ZFHX3: variants seen among roughly 807,000 people sequenced by gnomAD.
The protein encoded by ZFHX3 is zinc finger homeobox protein 3.
ZFHX3 carries 42 observed loss-of-function variants against 279.1 expected under a neutral mutation model. That is an observed-to-expected ratio of 0.15 (90% CI 0.12 to 0.19). ZFHX3 has a LOEUF of 0.19. Among genes scored for constraint, ZFHX3 ranks in the 10% least tolerant of loss-of-function variants. ZFHX3 has a pLI of 1.00. For synonymous variants in ZFHX3, 2,293 were observed against 1,957.8 expected (o/e 1.17, Z -4.52); for missense variants, 4,981 against 4,754.0 (o/e 1.05, Z -1.40).
intron 4 of ZFHX3, among the ~76,000 whole-genome samples, chr16:72,873,604 A>G (rs1435630182): frequency 1.3e-5 from 2 of 152,214 alleles, no homozygotes; most frequent in Non-Finnish European, 2.9e-5. Context: ...GGTAGTAATT[A>G]CCAGGTTTTC....
chr16:72,971,773 G>C (rs1962113135), intron 1 of ZFHX3, among the ~76,000 whole-genome samples: 1 of 151,872 alleles, frequency 6.6e-6, no homozygotes, highest in Admixed American at 6.6e-5. Flanking sequence ...CGTTTGACAG[G>C]CAAGAAATGG....
chr16:73,219,264 C>T (rs1429757454), intron 5 of ZFHX3, among the ~76,000 whole-genome samples: 1 of 152,158 alleles, frequency 6.6e-6, no homozygotes, highest in Non-Finnish European at 1.5e-5. Flanking sequence ...ACAGAAACAG[C>T]ATACAGACCT....
intron 5 of ZFHX3, among the ~76,000 whole-genome samples, chr16:73,234,532 G>A (rs1334631654): frequency 6.6e-6 from 1 of 152,194 alleles, no homozygotes; most frequent in Non-Finnish European, 1.5e-5. Context: ...CCTCATGATG[G>A]CCAAAGCCAG....
chr16:73,029,593 AT>A (rs1487544001), intron 1 of ZFHX3, among the ~76,000 whole-genome samples: 11 of 152,240 alleles, frequency 7.2e-5, no homozygotes, highest in Non-Finnish European at 1.6e-4. Context: ...AGAAAACAGC[AT>A]TTATCTGGAG....
intron 2 of ZFHX3, among the ~76,000 whole-genome samples, chr16:73,590,226 G>A (rs1468218681): frequency 6.6e-6 from 1 of 152,150 alleles, no homozygotes; most frequent in East Asian, 1.9e-4. Flanking sequence ...TTCCAACATT[G>A]TCTGTTAAAG....
chr16:73,834,411 G>T (rs1961083713), intron 1 of ZFHX3, among the ~76,000 whole-genome samples: 1 of 152,180 alleles, frequency 6.6e-6, no homozygotes, highest in Non-Finnish European at 1.5e-5. Context: ...TTCCTGCAGG[G>T]TCACAGCATA....
chr16:73,266,830 G>A (rs992842273), intron 4 of ZFHX3, among the ~76,000 whole-genome samples: 9 of 152,186 alleles, frequency 5.9e-5, no homozygotes, highest in South Asian at 2.1e-4. Context: ...TAGGGCTTTC[G>A]CCTTCCGCCA....
intron 4 of ZFHX3, among the ~76,000 whole-genome samples, chr16:72,882,009 G>T (rs191476477): frequency 3.4e-4 from 52 of 152,146 alleles, no homozygotes; most frequent in African/African-American, 1.2e-3. Context: ...GCTCCCTTGG[G>T]GGTCCCCATG....
chr16:73,631,452 T>C (rs972652376), intron 2 of ZFHX3, among the ~76,000 whole-genome samples: 1 of 152,234 alleles, frequency 6.6e-6, no homozygotes, highest in African/African-American at 2.4e-5. Context: ...TTCATCAATA[T>C]GTCATCTAGC....
chr16:73,213,286 C>T (rs1423244776), intron 5 of ZFHX3, among the ~76,000 whole-genome samples: 6 of 152,116 alleles, frequency 3.9e-5, no homozygotes, highest in African/African-American at 7.2e-5. Context: ...GGTTGGGAAA[C>T]GGGGTCATGG....
chr16:73,537,971 T>C (rs1274429609), intron 2 of ZFHX3, among the ~76,000 whole-genome samples: 1 of 152,200 alleles, frequency 6.6e-6, no homozygotes, highest in Non-Finnish European at 1.5e-5. Flanking sequence ...ATTCTTCATA[T>C]ATGGGGCTCA....
chr16:73,488,803 C>T (rs1176836455), intron 2 of ZFHX3, among the ~76,000 whole-genome samples: 9 of 152,152 alleles, frequency 5.9e-5, no homozygotes, highest in Admixed American at 1.3e-4. Flanking sequence ...CCAGTTGTTA[C>T]GATGCTAAGA....
intron 5 of ZFHX3, among the ~76,000 whole-genome samples, chr16:73,205,564 G>A (rs1370537353): frequency 1.3e-5 from 2 of 152,034 alleles, no homozygotes; most frequent in East Asian, 1.9e-4. Flanking sequence ...ATTTAACATG[G>A]GGCACCATTT....
intron 4 of ZFHX3, among the ~76,000 whole-genome samples, chr16:73,258,451 G>A (rs144094452): frequency 0.027 from 4,130 of 151,746 alleles, 188 homozygotes; most frequent in African/African-American, 0.096. Context: ...CCGGGTTCAC[G>A]CCATTCTCCT....
intron 3 of ZFHX3, among the ~76,000 whole-genome samples, chr16:73,321,729 G>C (rs2015578373): frequency 6.6e-6 from 1 of 152,180 alleles, no homozygotes; most frequent in Non-Finnish European, 1.5e-5. Flanking sequence ...TCTTCTGCTA[G>C]ATGTCTTTCC....
intron 5 of ZFHX3, among the ~76,000 whole-genome samples, chr16:73,251,747 A>G (rs969463008): frequency 7.8e-6 from 1 of 128,426 alleles, no homozygotes; most frequent in African/African-American, 2.7e-5. Flanking sequence ...GCACACACAC[A>G]TACACACCAC....
chr16:72,900,239 A>G (rs1245711792), intron 3 of ZFHX3, among the ~76,000 whole-genome samples: 1 of 152,116 alleles, frequency 6.6e-6, no homozygotes, highest in East Asian at 1.9e-4. Context: ...CATGTCTGCC[A>G]ATATCCTGGG....
chr16:73,660,099 G>A (rs981691995), intron 2 of ZFHX3, among the ~76,000 whole-genome samples: 1 of 152,174 alleles, frequency 6.6e-6, no homozygotes, highest in African/African-American at 2.4e-5. Context: ...ACGGGAAATT[G>A]AACACTGTTG....
intron 2 of ZFHX3, among the ~76,000 whole-genome samples, chr16:73,492,630 C>T (rs549276416): frequency 6.6e-6 from 1 of 152,330 alleles, no homozygotes; most frequent in Non-Finnish European, 1.5e-5. Flanking sequence ...AAGCCTCCCC[C>T]TTACAAAGTG....
Sources: allele counts gnomAD v4.1 joint callset (sites outside exome capture counted in the v4.1 genomes callset), GRCh38; gene constraint gnomAD v4.1.1; transcripts MANE v1.5; gene names NCBI Gene and HGNC (gene_info 2026-07-23, HGNC 2026-07-21).